The following RANBP9 variants were observed in gnomAD, a reference collection of about 807,000 sequenced individuals.
RANBP9 encodes the protein RAN binding protein 9.
RANBP9 carries 15 observed loss-of-function variants against 84.3 expected under a neutral mutation model. That is an observed-to-expected ratio of 0.18 (90% CI 0.12 to 0.27). The LOEUF (loss-of-function observed/expected upper bound fraction) is 0.27. RANBP9 is among the 10% of genes least tolerant of loss of function. The pLI, the probability that RANBP9 is intolerant of heterozygous loss-of-function variation, is 1.00. For missense variants in RANBP9, 809 were observed against 912.8 expected (o/e 0.89, Z 1.46); for synonymous variants, 392 against 349.6 (o/e 1.12, Z -1.35).
rs1352035983 is a variant in RANBP9 at position 13,626,060 on chromosome 6, G to T, written c.1948-296C>A. On this transcript the variant is annotated intron_variant, in intron 12 of 13. Coordinates refer to ENST00000011619, the MANE Select transcript of RANBP9 (RefSeq NM_005493.3). ...AGGAATGAACTAGTACTGGTGTAGG[G>T]AGAGTGGAAGGCAAAACATTCAGAT... Among the ~76,000 whole-genome samples, 3 of 152,202 alleles carry T rather than the reference G, an allele frequency of 2.0e-5. No individual in the cohort carries two copies. The East Asian group carries it at 5.8e-4, about 29-fold the overall frequency.
chr6:13,678,165 A>C (rs1044910740), intron 2 of RANBP9, among the ~76,000 whole-genome samples: 2 of 152,172 alleles, frequency 1.3e-5, no homozygotes, highest in African/African-American at 4.8e-5. Context: ...AAAATATTTC[A>C]ATCAGGTTAC....
At chr6:13,676,310 A>T (rs1765885027) in intron 2 of RANBP9, among the ~76,000 whole-genome samples, 1 of 152,058 alleles carries the variant, frequency 6.6e-6, no homozygotes, top group South Asian at 2.1e-4. Flanking sequence ...AATAGTAACA[A>T]TTAATAACCT....
chr6:13,661,552 CT>C (rs1447914808), intron 2 of RANBP9, among the ~76,000 whole-genome samples: 1 of 151,602 alleles, frequency 6.6e-6, no homozygotes, highest in Non-Finnish European at 1.5e-5. Flanking sequence ...TGAATTCATT[CT>C]AGATGATATC....
At chr6:13,638,860 G>T (rs114126220) in intron 9 of RANBP9, among the ~76,000 whole-genome samples, 2,298 of 152,134 alleles carry the variant, frequency 0.015, 63 homozygotes, top group African/African-American at 0.051. Flanking sequence ...GGTTGGGGGT[G>T]GGGGGAGAGG....
chr6:13,693,610 T>C lies in RANBP9; in HGVS notation c.683+3175A>G, dbSNP rs114181059. On this transcript the variant is annotated intron_variant, in intron 2 of 13. Coordinates refer to ENST00000011619, the MANE Select transcript of RANBP9 (RefSeq NM_005493.3). ...AAAAATACAAAAGATTAGCCGGGGG[T>C]GGCAGCAGATATCATATCCCTCCAC... Among the ~76,000 whole-genome samples the C allele has an allele frequency of 3.3e-3, 502 of 151,604 alleles. 8 individuals carry two copies. The highest frequency in any genetic ancestry group is 0.011 in the African/African-American group (467 of 41,294).
intron 2 of RANBP9, among the ~76,000 whole-genome samples, chr6:13,692,666 A>G (rs181448486): frequency 4.5e-4 from 69 of 152,248 alleles, no homozygotes; most frequent in African/African-American, 1.6e-3. Flanking sequence ...AGCCTGGGCA[A>G]CAGGGTGAAA....
intron 2 of RANBP9, among the ~76,000 whole-genome samples, chr6:13,677,522 A>C (rs1043886939): frequency 2.0e-5 from 3 of 152,138 alleles, no homozygotes; most frequent in Non-Finnish European, 4.4e-5. Flanking sequence ...AAAATGTTTT[A>C]TTTCTGCCAA....
At chr6:13,657,079 TA>T in intron 4 of RANBP9, 29 bp downstream of exon 4, 4 of 1,546,156 alleles carry the variant, frequency 2.6e-6, no homozygotes, top group Non-Finnish European at 3.5e-6. Flanking sequence ...CATATTTGGT[TA>T]TTTTGCATGC....
chr6:13,672,952 TAGA>T (rs1391266021), intron 2 of RANBP9, among the ~76,000 whole-genome samples: 1 of 151,800 alleles, frequency 6.6e-6, no homozygotes, highest in Non-Finnish European at 1.5e-5. Context: ...ATAGTAATGC[TAGA>T]AGGAGAAGAA....
At chr6:13,702,374 C>T (rs1455686767) in intron 1 of RANBP9, among the ~76,000 whole-genome samples, 4 of 152,068 alleles carry the variant, frequency 2.6e-5, no homozygotes, top group Non-Finnish European at 4.4e-5. Flanking sequence ...ACCTGGGATC[C>T]GGCCTGACAA....
At position 13,658,830 on chromosome 6, in the gene RANBP9, TA is replaced by T; in HGVS notation, c.685del (p.Tyr229ThrfsTer11). On this transcript the variant is annotated frameshift_variant and splice_region_variant, in exon 3 of 14. Transcript: ENST00000011619. LOFTEE classifies it high-confidence loss of function. ...TTGAGCAGAAAGACCAATTCCCATG[TA>T]ACTGTTGGCGGAGGTTGGGGGAGAG... ...VKIVSKGRDG[Y>X]MGIGLSAQGV... is the part of the protein sequence containing the mutation. 6.4e-7 allele frequency: 1 copy of T among 1,573,704 alleles called. No homozygotes were observed. Among genetic ancestry groups the T allele is most frequent in the Non-Finnish European group, 8.7e-7 (1 of 1,143,504 alleles).
At chr6:13,665,163 T>C (rs1181032050) in intron 2 of RANBP9, among the ~76,000 whole-genome samples, 2 of 152,120 alleles carry the variant, frequency 1.3e-5, no homozygotes, top group Non-Finnish European at 2.9e-5. Flanking sequence ...AAAGGTTCTA[T>C]AAGAAAACAT....
chr6:13,631,422 T>C (rs1468334613), intron 12 of RANBP9, among the ~76,000 whole-genome samples: 1 of 152,212 alleles, frequency 6.6e-6, no homozygotes, highest in African/African-American at 2.4e-5. Flanking sequence ...TAATTGAGCA[T>C]CTCTCATCTT....
intron 11 of RANBP9, 74 bp downstream of exon 11, chr6:13,634,357 G>T: frequency 5.9e-6 from 9 of 1,514,950 alleles, no homozygotes; most frequent in Non-Finnish European, 8.1e-6. Context: ...CATCAGCTGT[G>T]AATCAGTACA....
intron 2 of RANBP9, among the ~76,000 whole-genome samples, chr6:13,661,676 G>T (rs968442021): frequency 1.3e-5 from 2 of 152,076 alleles, no homozygotes; most frequent in South Asian, 2.1e-4. Context: ...ACCAATATTT[G>T]CTGAGATAAT....
Position 13,652,688 on chromosome 6 carries a change from A to AG in RANBP9, c.905-8dup. ...AGGTCAGTGAAAGCAATACCTAAAAAGAAAAAAAAAAGTGGCATTAGAAGC... is the reference window on the plus strand; with the variant it reads ...AGGTCAGTGAAAGCAATACCTAAAAAGGAAAAAAAAAAGTGGCATTAGAAGC... On this transcript the variant is annotated splice_region_variant and splice_polypyrimidine_tract_variant and intron_variant, in intron 4 of 13. Coordinates refer to ENST00000011619, the MANE Select transcript of RANBP9 (RefSeq NM_005493.3). 1 of 1,594,982 alleles carries AG rather than the reference A, an allele frequency of 6.3e-7. No homozygotes were observed. Among genetic ancestry groups the AG allele is most frequent in the Non-Finnish European group, 8.6e-7 (1 of 1,166,974 alleles).
chr6:13,708,288 T>C (rs1312003184), intron 1 of RANBP9, among the ~76,000 whole-genome samples: 1 of 151,922 alleles, frequency 6.6e-6, no homozygotes, highest in East Asian at 1.9e-4. Context: ...TAGCCCAGCA[T>C]AGTGACAGGA....
At chr6:13,682,791 C>T (rs1766076080) in intron 2 of RANBP9, among the ~76,000 whole-genome samples, 1 of 152,212 alleles carries the variant, frequency 6.6e-6, no homozygotes, top group South Asian at 2.1e-4. Context: ...TCACTAGAAT[C>T]AAAGATTCTC....
intron 2 of RANBP9, among the ~76,000 whole-genome samples, chr6:13,675,127 A>G (rs115818064): frequency 0.013 from 2,012 of 152,356 alleles, 48 homozygotes; most frequent in African/African-American, 0.045. Flanking sequence ...GAAAACCAGT[A>G]AACATATAGT....
Sources: allele counts gnomAD v4.1 joint callset (sites outside exome capture counted in the v4.1 genomes callset), GRCh38; gene constraint gnomAD v4.1.1; transcripts MANE v1.5; gene names NCBI Gene and HGNC (gene_info 2026-07-23, HGNC 2026-07-21).